PPP4R2: variants seen among roughly 807,000 people sequenced by gnomAD.
PPP4R2 encodes protein phosphatase 4 regulatory subunit 2.
PPP4R2 carries 13 observed loss-of-function variants against 47.2 expected under a neutral mutation model. The ratio of observed to expected loss-of-function variants is 0.28; its 90% CI spans 0.18 to 0.44. The LOEUF is 0.44. Ranked by LOEUF, PPP4R2 falls within the 20% of genes least tolerant of loss-of-function variation. PPP4R2 has a pLI of 1.00. For synonymous variants in PPP4R2, 151 were observed against 163.3 expected (o/e 0.92, Z 0.57); for missense variants, 421 against 491.2 (o/e 0.86, Z 1.35).
chr3:73,020,601 T>A (rs1267827512), intron 2 of PPP4R2, among the ~76,000 whole-genome samples: 1 of 144,718 alleles, frequency 6.9e-6, no homozygotes, highest in Non-Finnish European at 1.5e-5. Flanking sequence ...GCCTGGGAGG[T>A]CAGGGATGCA....
chr3:73,063,847 C>T (rs1702926466), intron 6 of PPP4R2, 100 bp downstream of exon 6: 1 of 1,107,336 alleles, frequency 9.0e-7, no homozygotes, highest in Non-Finnish European at 1.3e-6. Context: ...TTATGGACAC[C>T]ATAGGATGAA....
chr3:73,059,971 A>C lies in PPP4R2; in HGVS notation c.381+841A>C, dbSNP rs183060082. 2.8e-4 allele frequency among the ~76,000 whole-genome samples: 42 copies of C among 152,134 alleles called. 1 individual carries two copies. The East Asian group carries it at 7.3e-3, about 27-fold the overall frequency. On this transcript the variant is annotated intron_variant, in intron 4 of 8. Coordinates refer to ENST00000356692, the MANE Select transcript of PPP4R2 (RefSeq NM_174907.4). ...AAAAAAAGGAAATGGTGTGAAGAAC[A>C]AAGATTCAAGGTGTTTAAGGGAATG...
At chr3:73,027,369 G>A (rs897680428) in intron 2 of PPP4R2, among the ~76,000 whole-genome samples, 1 of 152,132 alleles carries the variant, frequency 6.6e-6, no homozygotes, top group Admixed American at 6.5e-5. Flanking sequence ...CTCATGATCC[G>A]CCAGCCTTGG....
chr3:73,036,773 C>T (rs1467809207), intron 2 of PPP4R2, among the ~76,000 whole-genome samples: 1 of 152,058 alleles, frequency 6.6e-6, no homozygotes, highest in African/African-American at 2.4e-5. Flanking sequence ...TAAAGTAGCA[C>T]ATAACTCTGG....
chr3:73,044,643 T>C (rs1024094783), intron 2 of PPP4R2, among the ~76,000 whole-genome samples: 1 of 152,160 alleles, frequency 6.6e-6, no homozygotes, highest in Non-Finnish European at 1.5e-5. Flanking sequence ...TCACTTGTTT[T>C]TTAGATAATA....
At chr3:73,054,204 C>G (rs375927964) in intron 3 of PPP4R2, among the ~76,000 whole-genome samples, 1 of 152,204 alleles carries the variant, frequency 6.6e-6, no homozygotes, top group Non-Finnish European at 1.5e-5. Flanking sequence ...AGGCGTGAGC[C>G]GCCGTGCTCA....
chr3:73,062,964 G>A, intron 5 of PPP4R2: 3 of 1,401,976 alleles, frequency 2.1e-6, no homozygotes, highest in Non-Finnish European at 3.0e-6. Flanking sequence ...TCAGTGCATG[G>A]ATGGCTCCAT....
intron 2 of PPP4R2, among the ~76,000 whole-genome samples, chr3:73,032,908 A>T (rs1299455356): frequency 6.6e-6 from 1 of 152,038 alleles, no homozygotes; most frequent in South Asian, 2.1e-4. Context: ...TATCAATTTC[A>T]TGTTTTAAAA....
At chr3:73,059,592 G>T (rs1186921525) in intron 4 of PPP4R2, among the ~76,000 whole-genome samples, 1 of 152,164 alleles carries the variant, frequency 6.6e-6, no homozygotes, top group African/African-American at 2.4e-5. Flanking sequence ...TAGTGTTTGT[G>T]TGTGGAGGGG....
At chr3:73,017,092 T>G (rs1701856162) in intron 2 of PPP4R2, among the ~76,000 whole-genome samples, 1 of 152,138 alleles carries the variant, frequency 6.6e-6, no homozygotes, top group African/African-American at 2.4e-5. Flanking sequence ...CTCCCAGTGC[T>G]GGGATTAATA....
intron 2 of PPP4R2, among the ~76,000 whole-genome samples, chr3:73,021,900 A>ATTT (rs775338491): frequency 3.5e-5 from 4 of 114,786 alleles, no homozygotes; most frequent in South Asian, 3.3e-4. Flanking sequence ...ATATATATAT[A>ATTT]TTTTTTTTTT....
At chr3:73,055,454 G>GTGTA (rs1444301362) in intron 3 of PPP4R2, among the ~76,000 whole-genome samples, 23 of 133,974 alleles carry the variant, frequency 1.7e-4, no homozygotes, top group Non-Finnish European at 3.0e-4. Context: ...GTGTGTGTGT[G>GTGTA]TATTAAAATA....
At chr3:73,039,518 C>T (rs1374935756) in intron 2 of PPP4R2, among the ~76,000 whole-genome samples, 2 of 152,134 alleles carry the variant, frequency 1.3e-5, no homozygotes, top group African/African-American at 4.8e-5. Flanking sequence ...TTTTCCATAA[C>T]ACAAAAATAA....
intron 5 of PPP4R2, chr3:73,062,551 A>G (rs1702886916): frequency 6.2e-7 from 1 of 1,613,880 alleles, no homozygotes; most frequent in African/African-American, 1.3e-5. Flanking sequence ...GGGAATGAGA[A>G]CGAGGAAAGG....
At chr3:73,058,795 T>TC (rs549034573) in intron 3 of PPP4R2, among the ~76,000 whole-genome samples, 3,312 of 76,542 alleles carry the variant, frequency 0.043, 59 homozygotes, top group Non-Finnish European at 0.06. Context: ...CCCCCCTCCC[T>TC]CCCCCCCCAC....
intron 2 of PPP4R2, among the ~76,000 whole-genome samples, chr3:73,031,089 A>G (rs990366555): frequency 5.3e-5 from 8 of 152,168 alleles, no homozygotes; most frequent in Non-Finnish European, 7.4e-5. Context: ...AATAGAATCA[A>G]TGGATAGGAA....
intron 4 of PPP4R2, among the ~76,000 whole-genome samples, chr3:73,059,812 G>A (rs1246973964): frequency 6.6e-6 from 1 of 151,908 alleles, no homozygotes; most frequent in Non-Finnish European, 1.5e-5. Context: ...GTGCACGCCT[G>A]TAATCCTAGC....
chr3:73,014,585 A>G (rs142564938), intron 2 of PPP4R2, among the ~76,000 whole-genome samples: 25 of 152,302 alleles, frequency 1.6e-4, no homozygotes, highest in African/African-American at 5.8e-4. Flanking sequence ...GGCATGAGCC[A>G]TTGTGCAGAG....
chr3:73,056,918 G>C (rs1268619017), intron 3 of PPP4R2, among the ~76,000 whole-genome samples: 1 of 152,092 alleles, frequency 6.6e-6, no homozygotes, highest in Non-Finnish European at 1.5e-5. Flanking sequence ...GGAAGAAAAA[G>C]CATAATGACT....
Sources: gnomAD v4.1 joint callset for allele counts (sites outside exome capture counted in the v4.1 genomes callset) on GRCh38, gnomAD v4.1.1 for gene constraint, MANE v1.5 for transcripts, NCBI Gene and HGNC (gene_info 2026-07-23, HGNC 2026-07-21) for gene names.